The following HERC4 variants were observed in gnomAD, a reference collection of about 807,000 sequenced individuals.
HERC4 encodes HECT and RLD domain containing E3 ubiquitin protein ligase 4.
In HERC4, 28 loss-of-function variants were observed where a neutral mutation model predicts 124.3. That is an observed-to-expected ratio of 0.23 (90% confidence interval 0.17 to 0.31). The LOEUF is 0.31. HERC4 is among the 10% of genes least tolerant of loss of function. The probability of loss-of-function intolerance (pLI) is 1.00; values close to 1 mark genes in which losing one functional copy is unlikely to be tolerated. For missense variants in HERC4, 713 were observed against 1,229.3 expected, an observed-to-expected ratio of 0.58 and a Z score of 6.28; for synonymous variants, 407 against 421.5, an observed-to-expected ratio of 0.97 and a Z score of 0.42.
At chr10:68,051,588 T>C (rs1353097635) in intron 3 of HERC4, among the ~76,000 whole-genome samples, 1 of 151,808 alleles carries the variant, frequency 6.6e-6, no homozygotes, top group Non-Finnish European at 1.5e-5. Context: ...CTTAATCTCC[T>C]GACCTCGTGA....
chr10:68,012,953 T>C (rs991323214), intron 9 of HERC4, among the ~76,000 whole-genome samples: 8 of 152,240 alleles, frequency 5.3e-5, no homozygotes, highest in African/African-American at 4.8e-5. Flanking sequence ...TGATCTTTGA[T>C]GTTACTATTG....
At chr10:67,950,727 G>A (rs114436460) in intron 19 of HERC4, among the ~76,000 whole-genome samples, 14,764 of 152,186 alleles carry the variant, frequency 0.097, 920 homozygotes, top group Middle Eastern at 0.18. Flanking sequence ...TTGATTTCAC[G>A]GTCTTCAACA....
intron 3 of HERC4, chr10:68,068,820 A>T (rs1352685255): frequency 6.5e-6 from 1 of 152,952 alleles, no homozygotes; most frequent in East Asian, 1.9e-4. Context: ...GGTGGTCTCA[A>T]GATGTGCTAG....
At chr10:68,071,200 A>C (rs2041556977) in intron 3 of HERC4, among the ~76,000 whole-genome samples, 1 of 152,250 alleles carries the variant, frequency 6.6e-6, no homozygotes. Context: ...GATGATATAG[A>C]TGTCACAGTG....
intron 21 of HERC4, 59 bp downstream of exon 21, chr10:67,939,529 C>A: frequency 8.6e-7 from 1 of 1,161,440 alleles, no homozygotes; most frequent in Non-Finnish European, 1.3e-6. Flanking sequence ...CCCTAAGACA[C>A]GGCTGTTAAA....
chr10:67,982,635 T>C lies in HERC4; in HGVS notation c.1806+6028A>G, dbSNP rs146820265. On this transcript the variant is annotated intron_variant, in intron 15 of 24. Coordinates refer to ENST00000373700, the MANE Select transcript of HERC4 (RefSeq NM_015601.4). ...AGTGGACAAACGGGATTACATTAAATTAAAAAACTTCTACACAGCAAAGGA... is the reference window on the plus strand; with the variant it reads ...AGTGGACAAACGGGATTACATTAAACTAAAAAACTTCTACACAGCAAAGGA... Among the ~76,000 whole-genome samples the C allele has an allele frequency of 1.8e-4, 27 of 152,034 alleles. No homozygotes were observed. In the East Asian group the frequency reaches 4.8e-3, roughly 27 times the overall value.
At chr10:67,968,351 C>CAG (rs1488182372) in intron 15 of HERC4, among the ~76,000 whole-genome samples, 1 of 151,482 alleles carries the variant, frequency 6.6e-6, no homozygotes, top group Admixed American at 6.6e-5. Flanking sequence ...AATAAACCAA[C>CAG]AGAAAGCACA....
At chr10:68,045,191 T>C (rs892000668) in intron 3 of HERC4, among the ~76,000 whole-genome samples, 2 of 152,094 alleles carry the variant, frequency 1.3e-5, no homozygotes, top group Non-Finnish European at 2.9e-5. Flanking sequence ...TGTGTGGTGG[T>C]GCACGCCTGT....
chr10:68,005,988 AAAC>A (rs1433764973), intron 9 of HERC4, among the ~76,000 whole-genome samples: 1 of 152,234 alleles, frequency 6.6e-6, no homozygotes, highest in African/African-American at 2.4e-5. Context: ...CCAGGCTTGC[AAAC>A]AACATCTTAA....
At chr10:67,975,365 C>T (rs1386945050) in intron 15 of HERC4, among the ~76,000 whole-genome samples, 1 of 152,044 alleles carries the variant, frequency 6.6e-6, no homozygotes, top group African/African-American at 2.4e-5. Flanking sequence ...ACCAAGGTCA[C>T]GTAAGTAACA....
At position 68,059,600 on chromosome 10, in the gene HERC4, C is replaced by CATA. The variant is rs1218431482; in HGVS notation, c.226+13280_226+13282dup. On this transcript the variant is annotated intron_variant, in intron 3 of 24. Coordinates refer to ENST00000373700, the MANE Select transcript of HERC4 (RefSeq NM_015601.4). ...TCATATTATATATCATATTATATAT[C>CATA]ATAATATTATATATCATAATATTAT... 4.2e-3 allele frequency among the ~76,000 whole-genome samples: 323 copies of CATA among 77,036 alleles called. 101 individuals carry two copies. In the East Asian group the frequency reaches 0.11, roughly 25 times the overall value. The allele number at this position is 77,036 out of a possible 152,430, so 50.5% of individuals were successfully genotyped here.
intron 4 of HERC4, chr10:68,039,728 G>A: frequency 7.7e-7 from 1 of 1,306,158 alleles, no homozygotes; most frequent in Non-Finnish European, 9.8e-7. Context: ...TGCAAACAGA[G>A]TAAGGAATAA....
At chr10:67,964,049 T>G (rs190657807) in intron 16 of HERC4, among the ~76,000 whole-genome samples, 96 of 151,960 alleles carry the variant, frequency 6.3e-4, no homozygotes, top group Non-Finnish European at 7.7e-4. Context: ...GTCAATTATT[T>G]TCTTTCTTAA....
At chr10:67,992,483 A>G in intron 10 of HERC4, 123 bp downstream of exon 10, 1 of 1,131,830 alleles carries the variant, frequency 8.8e-7, no homozygotes. Flanking sequence ...CTTATTCTGT[A>G]GACTTAAGGG....
intron 9 of HERC4, chr10:67,994,592 CTGAT>C (rs943400284): frequency 1.3e-5 from 2 of 152,182 alleles, no homozygotes; most frequent in African/African-American, 4.8e-5. Context: ...GCCACCACTC[CTGAT>C]TAATTTTTTA....
At chr10:67,973,078 T>A (rs1265312059) in intron 15 of HERC4, among the ~76,000 whole-genome samples, 1 of 152,198 alleles carries the variant, frequency 6.6e-6, no homozygotes, top group Non-Finnish European at 1.5e-5. Context: ...TGTGACAGCA[T>A]GTTAACAACT....
chr10:67,923,666 T>C (rs2030512046), intron 24 of HERC4, among the ~76,000 whole-genome samples: 1 of 152,036 alleles, frequency 6.6e-6, no homozygotes, highest in Non-Finnish European at 1.5e-5. Context: ...CAAGCAATCC[T>C]CTCTACCTCA....
chr10:68,010,424 ACTG>A, intron 9 of HERC4: 1 of 945,540 alleles, frequency 1.1e-6, no homozygotes, highest in Admixed American at 2.0e-5. Context: ...GTGCATAATC[ACTG>A]CTTGATTGCT....
At chr10:68,043,002 A>G (rs372708849) in intron 4 of HERC4, among the ~76,000 whole-genome samples, 2 of 152,214 alleles carry the variant, frequency 1.3e-5, no homozygotes, top group East Asian at 3.8e-4. Context: ...TGTTGAAACC[A>G]AAGAACTCAA....
Sources: gnomAD v4.1 joint callset for allele counts (sites outside exome capture counted in the v4.1 genomes callset) on GRCh38, gnomAD v4.1.1 for gene constraint, MANE v1.5 for transcripts, NCBI Gene and HGNC (gene_info 2026-07-23, HGNC 2026-07-21) for gene names.